The following FYN variants were observed in gnomAD, a reference collection of about 807,000 sequenced individuals.
FYN encodes FYN proto-oncogene, Src family tyrosine kinase.
In FYN, 10 loss-of-function variants were observed where a neutral mutation model predicts 70.2. The ratio of observed to expected loss-of-function variants is 0.14; its 90% CI spans 0.09 to 0.24. The LOEUF is 0.24. Ranked by LOEUF, FYN falls within the 10% of genes least tolerant of loss-of-function variation. FYN has a pLI of 1.00. For synonymous variants in FYN, 236 were observed against 248.6 expected (o/e 0.95, Z 0.48); for missense variants, 319 against 673.1 (o/e 0.47, Z 5.82).
intron 2 of FYN, among the ~76,000 whole-genome samples, chr6:111,829,254 T>G (rs528626473): frequency 5.5e-4 from 84 of 152,330 alleles, no homozygotes; most frequent in African/African-American, 1.9e-3. Flanking sequence ...TATCCTCAAC[T>G]GTGTCACTCA....
chr6:111,857,821 CCTT>C (rs71721809), intron 1 of FYN, among the ~76,000 whole-genome samples: 12,004 of 152,190 alleles, frequency 0.079, 931 homozygotes, highest in African/African-American at 0.21. Flanking sequence ...CTTTCGTTCT[CCTT>C]CTTCTCCCCA....
intron 1 of FYN, among the ~76,000 whole-genome samples, chr6:111,857,508 T>C (rs1260089224): frequency 6.6e-6 from 1 of 152,086 alleles, no homozygotes. Flanking sequence ...AAAGGAAAAA[T>C]GGTATACTAT....
chr6:111,708,781 C>T (rs2301464), intron 5 of FYN, among the ~76,000 whole-genome samples: 5,831 of 152,218 alleles, frequency 0.038, 161 homozygotes, highest in East Asian at 0.13. Flanking sequence ...TTTTTAGTCA[C>T]GCCACTTTGT....
intron 5 of FYN, among the ~76,000 whole-genome samples, chr6:111,709,986 A>G (rs1193951752): frequency 2.0e-5 from 3 of 147,480 alleles, no homozygotes; most frequent in African/African-American, 8.1e-5. Flanking sequence ...TAAACACTGT[A>G]TGTGTTTAAG....
At chr6:111,662,676 G>A (rs1048009476) in intron 13 of FYN, among the ~76,000 whole-genome samples, 1 of 152,184 alleles carries the variant, frequency 6.6e-6, no homozygotes. Context: ...CTTGTTTATA[G>A]CATTTATAAA....
chr6:111,779,552 TTG>T (rs1771090410), intron 3 of FYN, among the ~76,000 whole-genome samples: 1 of 151,970 alleles, frequency 6.6e-6, no homozygotes, highest in African/African-American at 2.4e-5. Context: ...ACCTCACTGG[TTG>T]TGAGGATGGC....
intron 1 of FYN, among the ~76,000 whole-genome samples, chr6:111,847,111 C>CA (rs536884922): frequency 1.8e-3 from 277 of 152,232 alleles, no homozygotes; most frequent in Middle Eastern, 6.8e-3. Context: ...GCCCCGCTGT[C>CA]AAAAAAAGCA....
At chr6:111,764,205 A>AT (rs1440044261) in intron 3 of FYN, among the ~76,000 whole-genome samples, 35 of 89,002 alleles carry the variant, frequency 3.9e-4, no homozygotes, top group African/African-American at 1.2e-3. Flanking sequence ...TGGTCACTGG[A>AT]TTTTGTCAAG....
chr6:111,736,087 A>G (rs192186557), intron 3 of FYN, among the ~76,000 whole-genome samples: 1 of 152,258 alleles, frequency 6.6e-6, no homozygotes, highest in African/African-American at 2.4e-5. Context: ...GCCCACTGAA[A>G]AGGGCATGTA....
chr6:111,683,546 G>A (rs73538013), intron 12 of FYN, among the ~76,000 whole-genome samples: 4,510 of 152,284 alleles, frequency 0.03, 226 homozygotes, highest in African/African-American at 0.1. Context: ...AATCTGAGCT[G>A]TGCCCTAATA....
Position 111,665,669 on chromosome 6 carries a change from T to C in FYN, c.1406-3722A>G, listed in dbSNP as rs1797965294. ...TGAAGCGTGGCTCTGTCATCTGGGG[T>C]GGAGTGCAGTGGTGTGATCTCGGCT... On this transcript the variant is annotated intron_variant, in intron 13 of 13. Transcript: ENST00000354650. Among the ~76,000 whole-genome samples, 3 of 151,926 alleles carry C rather than the reference T, an allele frequency of 2.0e-5. No individual in the cohort carries two copies. The South Asian group carries it at 6.2e-4, about 32-fold the overall frequency.
chr6:111,709,083 C>T (rs1800244807), intron 5 of FYN: 1 of 152,078 alleles, frequency 6.6e-6, no homozygotes, highest in Non-Finnish European at 1.5e-5. Context: ...GACATGATTG[C>T]CCTCAAGCAA....
intron 1 of FYN, among the ~76,000 whole-genome samples, chr6:111,868,387 T>A (rs763902749): frequency 6.6e-6 from 1 of 152,176 alleles, no homozygotes; most frequent in East Asian, 1.9e-4. Flanking sequence ...GACCTAATTG[T>A]GTACCACAGA....
intron 4 of FYN, among the ~76,000 whole-genome samples, chr6:111,718,032 G>A (rs1800750447): frequency 1.3e-5 from 2 of 152,234 alleles, no homozygotes; most frequent in African/African-American, 2.4e-5. Flanking sequence ...TGCCCGTAAG[G>A]TCATGCCTAT....
At chr6:111,781,577 T>A (rs1374623808) in intron 2 of FYN, among the ~76,000 whole-genome samples, 1 of 152,202 alleles carries the variant, frequency 6.6e-6, no homozygotes, top group African/African-American at 2.4e-5. Context: ...CCCCAGCTTT[T>A]CGACATTATC....
chr6:111,785,522 C>T (rs940256446), intron 2 of FYN, among the ~76,000 whole-genome samples: 1 of 152,198 alleles, frequency 6.6e-6, no homozygotes, highest in African/African-American at 2.4e-5. Context: ...CAGCACTTCT[C>T]ATGTCACTCC....
chr6:111,671,991 A>G (rs897582681), intron 13 of FYN, among the ~76,000 whole-genome samples: 8 of 152,126 alleles, frequency 5.3e-5, no homozygotes, highest in Admixed American at 4.6e-4. Flanking sequence ...GCCTGGGAAC[A>G]ATTTTTTGTG....
intron 2 of FYN, among the ~76,000 whole-genome samples, chr6:111,813,223 G>C (rs896686727): frequency 1.3e-5 from 2 of 152,080 alleles, no homozygotes. Context: ...TCTGTAGTTT[G>C]GTGATTTTTG....
chr6:111,739,150 T>TACCGG, intron 3 of FYN, among the ~76,000 whole-genome samples: 1 of 152,348 alleles, frequency 6.6e-6, no homozygotes, highest in Admixed American at 6.5e-5. Flanking sequence ...GGTTTAAAGA[T>TACCGG]ACCTACAAGG....
Sources: allele counts gnomAD v4.1 joint callset (sites outside exome capture counted in the v4.1 genomes callset), GRCh38; gene constraint gnomAD v4.1.1; transcripts MANE v1.5; gene names NCBI Gene and HGNC (gene_info 2026-07-23, HGNC 2026-07-21).